RNASE4: variants seen among roughly 807,000 people sequenced by gnomAD.
The protein encoded by RNASE4 is ribonuclease 4.
For missense variants in RNASE4, 194 were observed against 192.8 expected (o/e 1.01, Z -0.04); for synonymous variants, 93 against 71.4 (o/e 1.30, Z -1.52).
Position 20,700,045 on chromosome 14 carries a change from G to T in RNASE4, c.*230G>T. 1.8e-6 allele frequency: 1 copy of T among 546,144 alleles called. No homozygotes were observed. The highest frequency in any genetic ancestry group is 3.4e-5 in the Admixed American group (1 of 29,772). The allele number at this position is 546,144 out of a possible 1,614,324, so 33.8% of individuals were successfully genotyped here. A position where few individuals can be genotyped will look rare whatever the true frequency, so the allele number is the denominator to read the frequency against. ...GTAATAAGCTTCCTTTTATAATACT[G>T]GTCAGCTTAGCTCTCTCAGATCCTA... is the stretch of plus-strand genomic sequence containing the variant. On this transcript the variant is annotated 3_prime_UTR_variant, in exon 2 of 2. Coordinates refer to ENST00000555835, the MANE Select transcript of RNASE4 (RefSeq NM_002937.5).
rs1325106748 is a variant in RNASE4 at position 20,684,563 on chromosome 14, A to T, written c.-213A>T. 6.6e-6 allele frequency: 1 copy of T among 152,044 alleles called. No individual in the cohort carries two copies. Among genetic ancestry groups the T allele is most frequent in the Non-Finnish European group, 1.5e-5 (1 of 68,060 alleles). 9.4% of individuals were successfully genotyped at this position (152,044 alleles called of 1,614,324 possible). A position where few individuals can be genotyped will look rare whatever the true frequency, so the allele number is the denominator to read the frequency against. ...GCACGCCGACCCTCCACACCTCACCACGCCCCCATCTCCGTCCGTGTACAC... is the reference window on the plus strand; with the variant it reads ...GCACGCCGACCCTCCACACCTCACCTCGCCCCCATCTCCGTCCGTGTACAC... On this transcript the variant is annotated 5_prime_UTR_variant, in exon 1 of 2. Transcript: ENST00000555835.
chr14:20,684,918 C>T (rs1886352517), intron 1 of RNASE4, among the ~76,000 whole-genome samples, 160 bp downstream of exon 1: 1 of 152,078 alleles, frequency 6.6e-6, no homozygotes, highest in African/African-American at 2.4e-5. Context: ...CGTGAAAGTC[C>T]CGTATTTGTA....
At chr14:20,685,746 A>G (rs2138996896) in intron 1 of RNASE4, among the ~76,000 whole-genome samples, 1 of 152,328 alleles carries the variant, frequency 6.6e-6, no homozygotes, top group East Asian at 1.9e-4. Flanking sequence ...AGTATGGAAT[A>G]TAAAAGTTGT....
intron 1 of RNASE4, among the ~76,000 whole-genome samples, chr14:20,696,597 C>G (rs1436149664): frequency 6.6e-6 from 1 of 151,990 alleles, no homozygotes; most frequent in African/African-American, 2.4e-5. Flanking sequence ...AGTTTAAAAA[C>G]AGACTTCCAA....
In RNASE4 at chr14:20,700,885, A is replaced by G. The variant is rs1461496547; in HGVS notation, c.*1070A>G. 1 of 152,378 alleles carries G rather than the reference A, an allele frequency of 6.6e-6. No individual in the cohort carries two copies. The highest frequency in any genetic ancestry group is 1.5e-5 in the Non-Finnish European group (1 of 68,052). 9.4% of individuals were successfully genotyped at this position (152,378 alleles called of 1,614,324 possible). ...GCACGTATACATCCAGATGGCCTGA[A>G]GCAACTGAAGAACCACAAAAGAAGT... is the stretch of plus-strand genomic sequence containing the variant. On this transcript the variant is annotated 3_prime_UTR_variant, in exon 2 of 2. Transcript: ENST00000555835.
intron 1 of RNASE4, 65 bp from the exon 2 acceptor site, chr14:20,699,290 C>A: frequency 7.1e-7 from 1 of 1,405,350 alleles, no homozygotes; most frequent in Non-Finnish European, 9.6e-7. Flanking sequence ...GCTTGCTATT[C>A]TCAACACCTT....
chr14:20,691,226 T>C (rs1886727463), intron 1 of RNASE4, among the ~76,000 whole-genome samples: 1 of 152,214 alleles, frequency 6.6e-6, no homozygotes, highest in African/African-American at 2.4e-5. Context: ...AACGACTCTT[T>C]TAGGTACTAG....
intron 1 of RNASE4, among the ~76,000 whole-genome samples, chr14:20,685,067 C>A (rs1018081108): frequency 6.6e-6 from 1 of 152,172 alleles, no homozygotes; most frequent in Non-Finnish European, 1.5e-5. Context: ...CCTGCACTTG[C>A]CCACAACTAA....
In RNASE4 at chr14:20,699,375, G is replaced by A. The variant is rs1887200482; in HGVS notation, c.4G>A (p.Ala2Thr). M[A>T]LQRTHSLLLL... Reference sequence around the variant, plus strand: ...TCTAGGCACCTCTAAGATACTGATGGCTCTGCAGAGGACCCATTCATTGCT... The same window carrying A: ...TCTAGGCACCTCTAAGATACTGATGACTCTGCAGAGGACCCATTCATTGCT... The change falls in exon 2 of 2, where the codon GCT (alanine) becomes ACT (threonine). Residue 2 changes from alanine to threonine, a missense_variant. Physicochemically the swap from Ala to Thr is moderately conservative, Grantham distance 58. Coordinates refer to ENST00000555835, the MANE Select transcript of RNASE4 (RefSeq NM_002937.5). 1 of 1,592,426 alleles carries A rather than the reference G, an allele frequency of 6.3e-7. No homozygotes were observed. The highest frequency in any genetic ancestry group is 1.3e-5 in the African/African-American group (1 of 74,520).
chr14:20,691,891 A>G (rs980574488), intron 1 of RNASE4, among the ~76,000 whole-genome samples: 1 of 152,134 alleles, frequency 6.6e-6, no homozygotes, highest in Admixed American at 6.5e-5. Flanking sequence ...GTCTTTCTAG[A>G]TCCACAGTCT....
At chr14:20,692,629 A>G (rs117926213) in intron 1 of RNASE4, among the ~76,000 whole-genome samples, 3,640 of 152,300 alleles carry the variant, frequency 0.024, 62 homozygotes, top group South Asian at 0.047. Flanking sequence ...ATCTATCTGA[A>G]CCAGAACAAT....
intron 1 of RNASE4, chr14:20,694,166 A>G: frequency 2.6e-6 from 2 of 769,420 alleles, no homozygotes; most frequent in East Asian, 5.3e-5. Flanking sequence ...ATAAATAAAA[A>G]TGTCTTGATA....
intron 1 of RNASE4, chr14:20,693,899 C>G: frequency 6.2e-7 from 1 of 1,614,174 alleles, no homozygotes. Context: ...GGAGGTTCCC[C>G]CTGGCCTCCA....
chr14:20,688,659 AAG>A (rs1297441153), intron 1 of RNASE4: 5 of 984,226 alleles, frequency 5.1e-6, no homozygotes, highest in Non-Finnish European at 6.0e-6. Flanking sequence ...GCCCAGCGAA[AAG>A]GTGAATGACC....
At chr14:20,691,518 G>A (rs1258188988) in intron 1 of RNASE4, among the ~76,000 whole-genome samples, 2 of 152,226 alleles carry the variant, frequency 1.3e-5, no homozygotes, top group East Asian at 1.9e-4. Flanking sequence ...AGCTGCATGA[G>A]TGAATACTTG....
At chr14:20,695,231 C>T (rs1887044545) in intron 1 of RNASE4, among the ~76,000 whole-genome samples, 1 of 151,964 alleles carries the variant, frequency 6.6e-6, no homozygotes, top group Non-Finnish European at 1.5e-5. Flanking sequence ...CTTGTCTCTA[C>T]TAAAAATGTG....
chr14:20,691,321 G>A (rs1204331917), intron 1 of RNASE4, among the ~76,000 whole-genome samples: 1 of 152,196 alleles, frequency 6.6e-6, no homozygotes, highest in African/African-American at 2.4e-5. Context: ...GCAGACCTTT[G>A]ACATTAGAAG....
chr14:20,698,718 A>C (rs950198668), intron 1 of RNASE4: 2 of 152,192 alleles, frequency 1.3e-5, no homozygotes, highest in African/African-American at 4.8e-5. Flanking sequence ...TTATTCTAGA[A>C]TTAGAATAGA....
chr14:20,688,815 C>T, intron 1 of RNASE4: 2 of 985,406 alleles, frequency 2.0e-6, no homozygotes, highest in Non-Finnish European at 2.4e-6. Flanking sequence ...GAACAAACAG[C>T]TGGAACCCAT....
Sources: gnomAD v4.1 joint callset for allele counts (sites outside exome capture counted in the v4.1 genomes callset) on GRCh38, gnomAD v4.1.1 for gene constraint, MANE v1.5 for transcripts, NCBI Gene and HGNC (gene_info 2026-07-23, HGNC 2026-07-21) for gene names.